The following SDK1 variants were observed in gnomAD, a reference collection of about 807,000 sequenced individuals.
SDK1 encodes sidekick cell adhesion molecule 1, also known as protein sidekick-1.
A neutral mutation model predicts 245.5 loss-of-function variants in SDK1; 157 were observed. That is an observed-to-expected ratio of 0.64 (90% CI 0.56 to 0.73). The LOEUF (loss-of-function observed/expected upper bound fraction) is 0.73, where lower values mean the gene tolerates loss of function less well. Among genes scored for constraint, SDK1 ranks in the 30% least tolerant of loss-of-function variants. The pLI is 0.00. For synonymous variants in SDK1, 1,647 were observed against 1,278.5 expected, an observed-to-expected ratio of 1.29 and a Z score of -6.15; for missense variants, 3,583 against 3,002.3, an observed-to-expected ratio of 1.19 and a Z score of -4.52.
chr7:3,800,515 T>G (rs1289380855), intron 4 of SDK1, among the ~76,000 whole-genome samples: 2 of 151,984 alleles, frequency 1.3e-5, no homozygotes, highest in Non-Finnish European at 2.9e-5. Flanking sequence ...CCAAGTAGCT[T>G]GGATTACAGG....
At chr7:3,835,432 G>A (rs549505270) in intron 5 of SDK1, among the ~76,000 whole-genome samples, 1 of 152,170 alleles carries the variant, frequency 6.6e-6, no homozygotes, top group African/African-American at 2.4e-5. Context: ...ATCAGGGACA[G>A]TGTGCCGTGA....
intron 22 of SDK1, among the ~76,000 whole-genome samples, chr7:4,109,765 G>GGGCAGTGGCAGTAGAAGC (rs1783211720): frequency 6.6e-6 from 1 of 152,166 alleles, no homozygotes; most frequent in South Asian, 2.1e-4. Context: ...GGTCAGCTTG[G>GGGCAGTGGCAGTAGAAGC]GGCAGTGGCA....
chr7:4,141,864 C>T (rs1026664257), intron 28 of SDK1, among the ~76,000 whole-genome samples: 1 of 152,162 alleles, frequency 6.6e-6, no homozygotes, highest in African/African-American at 2.4e-5. Flanking sequence ...TCAAGTGATT[C>T]TCCTGCCTCA....
intron 4 of SDK1, among the ~76,000 whole-genome samples, chr7:3,701,559 A>C (rs1254431661): frequency 6.6e-6 from 1 of 152,170 alleles, no homozygotes; most frequent in Non-Finnish European, 1.5e-5. Context: ...TGATCGTGCT[A>C]CAGTGCCCTA....
At chr7:3,728,728 CCCAAGTAGCTGGGATTACAGGCATGTG>C (rs1169586410) in intron 4 of SDK1, among the ~76,000 whole-genome samples, 2 of 152,174 alleles carry the variant, frequency 1.3e-5, no homozygotes, top group African/African-American at 4.8e-5. Flanking sequence ...GCCTCAGCCT[CCCAAGTAGCTGGGATTACAGGCATGTG>C]CCACCATGCC....
intron 1 of SDK1, among the ~76,000 whole-genome samples, chr7:3,602,351 C>G (rs887791768): frequency 2.0e-5 from 3 of 151,162 alleles, no homozygotes; most frequent in African/African-American, 7.3e-5. Context: ...TGTTTCCTGA[C>G]TTTTTAATGA....
rs1321140583 is a variant in SDK1, at chr7:4,265,433, G to A, written c.*49G>A. On this transcript the variant is annotated 3_prime_UTR_variant, in exon 45 of 45. Coordinates refer to ENST00000404826, the MANE Select transcript of SDK1 (RefSeq NM_152744.4). The stretch of plus-strand genomic sequence containing the variant: ...GGCGGAACGGAGGCAACTTTCCGGA[G>A]TCTATTTTTGTTAAGACAATCAACT... 1.1e-5 allele frequency: 15 copies of A among 1,400,674 alleles called. No homozygotes were observed. Among genetic ancestry groups the A allele is most frequent in the African/African-American group, 1.5e-5 (1 of 65,676 alleles). 86.8% of individuals were successfully genotyped at this position (1,400,674 alleles called of 1,614,324 possible).
At chr7:3,640,570 C>A (rs76336874) in intron 3 of SDK1, among the ~76,000 whole-genome samples, 3 of 152,050 alleles carry the variant, frequency 2.0e-5, no homozygotes, top group Admixed American at 6.5e-5. Flanking sequence ...AGAGTGAAGA[C>A]GAATACCTAA....
chr7:4,065,443 C>A (rs979500004), intron 19 of SDK1, among the ~76,000 whole-genome samples: 4 of 139,580 alleles, frequency 2.9e-5, no homozygotes, highest in Non-Finnish European at 6.0e-5. Context: ...GGGCAGGAAT[C>A]CAGGAAGCAG....
chr7:4,014,062 C>G (rs1786196588), intron 16 of SDK1, among the ~76,000 whole-genome samples: 1 of 152,258 alleles, frequency 6.6e-6, no homozygotes, highest in South Asian at 2.1e-4. Context: ...CACCCATCCA[C>G]TAATGAGAAT....
At chr7:3,675,374 C>T (rs17133624) in intron 4 of SDK1, among the ~76,000 whole-genome samples, 54,135 of 152,080 alleles carry the variant, frequency 0.36, 10,399 homozygotes, top group African/African-American at 0.49. Context: ...GTCTAGTCTT[C>T]TTGCTTGCTT....
intron 1 of SDK1, among the ~76,000 whole-genome samples, chr7:3,456,797 T>G (rs1240720959): frequency 2.6e-5 from 4 of 152,210 alleles, no homozygotes; most frequent in African/African-American, 9.6e-5. Flanking sequence ...ACATTTTGGC[T>G]GTTATGTTAG....
chr7:4,028,428 C>T (rs2128157293), intron 17 of SDK1, among the ~76,000 whole-genome samples: 1 of 152,300 alleles, frequency 6.6e-6, no homozygotes, highest in Admixed American at 6.5e-5. Context: ...ACCACGTGTG[C>T]AGGCAAATCT....
intron 35 of SDK1, among the ~76,000 whole-genome samples, chr7:4,205,398 T>G (rs1468580546): frequency 1.3e-5 from 2 of 152,142 alleles, no homozygotes; most frequent in African/African-American, 2.4e-5. Context: ...AGAGCCGCAG[T>G]GACCCTGTCA....
chr7:3,765,518 TTAACGC>T (rs1045668685), intron 4 of SDK1, among the ~76,000 whole-genome samples: 3 of 152,232 alleles, frequency 2.0e-5, no homozygotes, highest in African/African-American at 7.2e-5. Context: ...TTCTTTCCTT[TTAACGC>T]TAGTTCTCGT....
chr7:3,676,541 G>C (rs917648201), intron 4 of SDK1, among the ~76,000 whole-genome samples: 1 of 151,918 alleles, frequency 6.6e-6, no homozygotes, highest in East Asian at 1.9e-4. Context: ...TAGCCGGGAT[G>C]GTCTCAATCT....
intron 4 of SDK1, among the ~76,000 whole-genome samples, chr7:3,723,756 GTACATA>G (rs776567663): frequency 2.7e-5 from 4 of 149,300 alleles, no homozygotes; most frequent in Admixed American, 6.7e-5. Context: ...GTATATACAC[GTACATA>G]TACATATACA....
chr7:4,048,107 G>C (rs1193796390), intron 17 of SDK1, among the ~76,000 whole-genome samples: 3 of 152,198 alleles, frequency 2.0e-5, no homozygotes, highest in Admixed American at 1.3e-4. Context: ...GGCTTTTGGG[G>C]AAGGGAGCCG....
rs191326748 is a variant in SDK1, at chr7:3,652,963, C to T, written c.713+10858C>T. On this transcript the variant is annotated intron_variant, in intron 4 of 44. Transcript: ENST00000404826. ...AGTCTATTGACTGGAAGAATAATTG[C>T]AGTGGGCAAAGAAGTGGGTGGACTG... Among the ~76,000 whole-genome samples the T allele has an allele frequency of 3.7e-3, 568 of 152,302 alleles. 16 individuals are homozygous for T. Among genetic ancestry groups the T allele is most frequent in the Admixed American group, 0.029 (448 of 15,290 alleles).
Sources: allele counts gnomAD v4.1 joint callset (sites outside exome capture counted in the v4.1 genomes callset), GRCh38; gene constraint gnomAD v4.1.1; transcripts MANE v1.5; gene names NCBI Gene and HGNC (gene_info 2026-07-23, HGNC 2026-07-21).